PTGER4: variants seen among roughly 807,000 people sequenced by gnomAD.
The protein encoded by PTGER4 is prostaglandin E receptor 4.
A neutral mutation model predicts 33.2 loss-of-function variants in PTGER4; 11 were observed. The ratio of observed to expected loss-of-function variants is 0.33; its 90% CI spans 0.21 to 0.55. The LOEUF (loss-of-function observed/expected upper bound fraction) is 0.55. PTGER4 is among the 20% of genes least tolerant of loss of function. PTGER4 has a pLI of 0.92. For synonymous variants in PTGER4, 275 were observed against 281.5 expected, an observed-to-expected ratio of 0.98 and a Z score of 0.23; for missense variants, 481 against 650.2, an observed-to-expected ratio of 0.74 and a Z score of 2.83.
At chr5:40,745,729 C>T in the PTGER4 span, among the ~76,000 whole-genome samples, 3 of 150,812 alleles carry the variant, frequency 2.0e-5, no homozygotes, top group South Asian at 2.1e-4. Flanking sequence ...ACTAGATATA[C>T]GATTTATTTA....
chr5:40,736,223 G>A, the PTGER4 span, among the ~76,000 whole-genome samples: 1 of 152,258 alleles, frequency 6.6e-6, no homozygotes, highest in South Asian at 2.1e-4. Context: ...AGAAAATAAA[G>A]TCATTCTACA....
At position 40,681,759 on chromosome 5, in the gene PTGER4, C is replaced by CGCCGCCGGAGCT; in HGVS notation, c.767_778dup (p.Ser259_Phe260insCysArgArgSer). On this transcript the variant is annotated inframe_insertion, in exon 2 of 3. Coordinates refer to ENST00000302472, the MANE Select transcript of PTGER4 (RefSeq NM_000958.3). This position sits in a 1 kb window ranked among gnomAD's most constrained non-coding sequence, Gnocchi z 9.8. ...CTTGCCGCGCCTCAGCGACTTTCGG[C>CGCCGCCGGAGCT]GCCGCCGGAGCTTCCGCCGCATCGC... The CGCCGCCGGAGCT allele has an allele frequency of 6.3e-7, 1 of 1,595,338 alleles. No homozygotes were observed. The highest frequency in any genetic ancestry group is 1.7e-5 in the Admixed American group (1 of 58,422).
At position 40,681,519 on chromosome 5, in the gene PTGER4, A is replaced by G; in HGVS notation, c.526A>G (p.Thr176Ala). The G allele has an allele frequency of 6.2e-7, 1 of 1,613,024 alleles. No individual in the cohort carries two copies. Among genetic ancestry groups the G allele is most frequent in the Non-Finnish European group, 8.5e-7 (1 of 1,180,012 alleles). ...PDTWCFIDWTTNVTAHAAYSY... is the reference protein window; with the variant it reads ...PDTWCFIDWTANVTAHAAYSY... Reference sequence around the variant, plus strand: ...CACCTGGTGCTTCATCGACTGGACCACCAACGTGACGGCGCACGCCGCCTA... The same window carrying G: ...CACCTGGTGCTTCATCGACTGGACCGCCAACGTGACGGCGCACGCCGCCTA... The change falls in exon 2 of 3, where the codon ACC (threonine) becomes GCC (alanine). Residue 176 changes from threonine to alanine, a missense_variant. Around this residue, in one of 7 missense-constraint regions of PTGER4, gnomAD observed 174 missense variants for 210.5 expected, o/e 0.83. Coordinates refer to ENST00000302472, the MANE Select transcript of PTGER4 (RefSeq NM_000958.3). The surrounding 1 kb of genome is among the most constrained non-coding windows in gnomAD (Gnocchi z 9.8).
At chr5:40,742,710 C>G in the PTGER4 span, among the ~76,000 whole-genome samples, 1 of 151,932 alleles carries the variant, frequency 6.6e-6, no homozygotes. Flanking sequence ...AGAATAAGAC[C>G]CAGAATAGAG....
chr5:40,722,038 T>C, the PTGER4 span, among the ~76,000 whole-genome samples: 37 of 152,314 alleles, frequency 2.4e-4, no homozygotes, highest in South Asian at 7.7e-3. Flanking sequence ...TCAATATCAC[T>C]AATCAGGGAA....
At chr5:40,697,226 A>AAAAGAAAGAAAGAAAGAAAGAAAG (rs70988803), downstream of PTGER4, among the ~76,000 whole-genome samples, 15 of 112,634 alleles carry the variant, frequency 1.3e-4, no homozygotes, top group South Asian at 3.0e-4. Context: ...AAGAAAGAAG[A>AAAAGAAAGAAAGAAAGAAAGAAAG]AAAGAAAGAA....
chr5:40,728,246 T>C, the PTGER4 span: 3 of 964,266 alleles, frequency 3.1e-6, no homozygotes, highest in Non-Finnish European at 4.2e-6. Context: ...ATTGCACCAC[T>C]GCACTGTACC....
the PTGER4 span, among the ~76,000 whole-genome samples, chr5:40,714,249 G>T: frequency 6.6e-6 from 1 of 152,084 alleles, no homozygotes; most frequent in Non-Finnish European, 1.5e-5. Flanking sequence ...TACAAAAAAA[G>T]TTCTCCTTTT....
At chr5:40,687,435 A>G (rs886667301) in intron 2 of PTGER4, among the ~76,000 whole-genome samples, 2 of 152,180 alleles carry the variant, frequency 1.3e-5, no homozygotes, top group African/African-American at 2.4e-5. Flanking sequence ...TATGTAAAAT[A>G]TAGGGCCTGT....
chr5:40,699,659 G>A, the PTGER4 span, among the ~76,000 whole-genome samples: 6 of 152,078 alleles, frequency 3.9e-5, no homozygotes, highest in African/African-American at 9.7e-5. Flanking sequence ...TCATGAGTAA[G>A]TAGGGTTTAT....
At chr5:40,695,237 C>CTT (rs1398404464), downstream of PTGER4, among the ~76,000 whole-genome samples, 1 of 152,088 alleles carries the variant, frequency 6.6e-6, no homozygotes, top group African/African-American at 2.4e-5. Flanking sequence ...TGGTGAAACT[C>CTT]TGTCTCTATT....
chr5:40,738,285 G>A, the PTGER4 span, among the ~76,000 whole-genome samples: 3 of 151,724 alleles, frequency 2.0e-5, no homozygotes, highest in East Asian at 1.9e-4. Context: ...AGAGTGGTGC[G>A]CGCCTGTAAT....
chr5:40,680,822 C>A lies in PTGER4; in HGVS notation c.-43-129C>A. ...GGTGGCCGCAGTTGGTAAGTGGCTA[C>A]AATCCAGAAAGTAGGATCGAGTTGC... On this transcript the variant is annotated intron_variant, in intron 1 of 2. Transcript: ENST00000302472. This position sits in a 1 kb window ranked among gnomAD's most constrained non-coding sequence, Gnocchi z 5.5. The A allele has an allele frequency of 2.3e-6, 2 of 859,222 alleles. No homozygotes were observed. The highest frequency in any genetic ancestry group is 1.8e-6 in the Non-Finnish European group (1 of 560,308). 53.2% of individuals were successfully genotyped at this position (859,222 alleles called of 1,614,324 possible). A position where few individuals can be genotyped will look rare whatever the true frequency, so the allele number is the denominator to read the frequency against.
At position 40,681,035 on chromosome 5, in the gene PTGER4, C is replaced by G; in HGVS notation, c.42C>G (p.Pro14=). 6.2e-7 allele frequency: 1 copy of G among 1,613,962 alleles called. No individual in the cohort carries two copies. Among genetic ancestry groups the G allele is most frequent in the Non-Finnish European group, 8.5e-7 (1 of 1,179,976 alleles). Residue 14 remains proline, a synonymous_variant, in exon 2 of 3, where the codon CCC becomes CCG. Transcript: ENST00000302472. The surrounding 1 kb of genome is among the most constrained non-coding windows in gnomAD (Gnocchi z 9.8). ...PGVNSSASLS[P]DRLNSPVTIP... The stretch of plus-strand genomic sequence containing the variant: ...TCAATTCGTCCGCCTCCTTGAGCCC[C>G]GACCGGCTGAACAGCCCAGTGACCA...
In PTGER4 at chr5:40,693,205, T is replaced by C. The variant is rs1487394785; in HGVS notation, c.*827T>C. 1.0e-6 allele frequency: 1 copy of C among 983,632 alleles called. No homozygotes were observed. The highest frequency in any genetic ancestry group is 1.2e-6 in the Non-Finnish European group (1 of 828,018). The allele number at this position is 983,632 out of a possible 1,614,324, so 60.9% of individuals were successfully genotyped here. On this transcript the variant is annotated 3_prime_UTR_variant, in exon 3 of 3. Transcript: ENST00000302472. Reference sequence around the variant, plus strand: ...ACTGTGATTTCAGGAGAACCTAACATGCTGGTGAATATTTTCAACTTTTTC... The same window carrying C: ...ACTGTGATTTCAGGAGAACCTAACACGCTGGTGAATATTTTCAACTTTTTC...
the PTGER4 span, among the ~76,000 whole-genome samples, chr5:40,704,039 A>T: frequency 0.073 from 10,999 of 151,534 alleles, 433 homozygotes; most frequent in Non-Finnish European, 0.077. Context: ...AAAAAAGAAA[A>T]CTTCAGGCCA....
In PTGER4 at chr5:40,681,955, C is replaced by A; in HGVS notation, c.867+95C>A. ...CCCTGCTTTCCCTCTGAGTCCTTGG[C>A]AGTGAACGTGTCGCCTTTAGGTCGG... is the stretch of plus-strand genomic sequence containing the variant. On this transcript the variant is annotated intron_variant, in intron 2 of 2. Coordinates refer to ENST00000302472, the MANE Select transcript of PTGER4 (RefSeq NM_000958.3). The surrounding 1 kb of genome is among the most constrained non-coding windows in gnomAD (Gnocchi z 9.8). 7.2e-7 allele frequency: 1 copy of A among 1,391,258 alleles called. No homozygotes were observed. 86.2% of individuals were successfully genotyped at this position (1,391,258 alleles called of 1,614,324 possible). A position where few individuals can be genotyped will look rare whatever the true frequency, so the allele number is the denominator to read the frequency against.
chr5:40,694,490 T>C (rs1049125416), downstream of PTGER4, among the ~76,000 whole-genome samples: 3 of 152,232 alleles, frequency 2.0e-5, no homozygotes, highest in Non-Finnish European at 4.4e-5. Context: ...TTGTGGAGGC[T>C]GGCAGTCCAA....
At chr5:40,707,262 C>A in the PTGER4 span, among the ~76,000 whole-genome samples, 2 of 152,070 alleles carry the variant, frequency 1.3e-5, no homozygotes, top group Non-Finnish European at 2.9e-5. Context: ...CAAGACCCAT[C>A]GGTGTGCCGT....
Sources: gnomAD v4.1 joint callset for allele counts (sites outside exome capture counted in the v4.1 genomes callset) on GRCh38, gnomAD v4.1.1 for gene constraint, gnomAD v4.1.1 regional missense constraint, Gnocchi (gnomAD v3.1) non-coding constraint, MANE v1.5 for transcripts, NCBI Gene and HGNC (gene_info 2026-07-23, HGNC 2026-07-21) for gene names.